The following SAFB2 variants were observed in gnomAD, a reference collection of about 807,000 sequenced individuals.
The protein encoded by SAFB2 is scaffold attachment factor B2.
A neutral mutation model predicts 100.6 loss-of-function variants in SAFB2; 32 were observed. That is an observed-to-expected ratio of 0.32 (90% CI 0.24 to 0.43). The LOEUF (loss-of-function observed/expected upper bound fraction) is 0.43, where lower values mean the gene tolerates loss of function less well. Ranked by LOEUF, SAFB2 falls within the 20% of genes least tolerant of loss-of-function variation. The probability of loss-of-function intolerance (pLI) is 1.00; values close to 1 mark genes in which losing one functional copy is unlikely to be tolerated. For synonymous variants in SAFB2, 500 were observed against 439.4 expected (o/e 1.14, Z -1.72); for missense variants, 1,185 against 1,163.4 (o/e 1.02, Z -0.27).
Position 5,590,148 on chromosome 19 carries a change from C to G in SAFB2, c.2525+130G>C, listed in dbSNP as rs576983203. ...TTTCTGAGTCAGGGGTTTCAAATGGCAGGACCCCTGGTAGCCCATCCTAAA... is the reference window on the plus strand; with the variant it reads ...TTTCTGAGTCAGGGGTTTCAAATGGGAGGACCCCTGGTAGCCCATCCTAAA... On this transcript the variant is annotated intron_variant, in intron 18 of 20. Transcript: ENST00000252542. 1.3e-4 allele frequency: 102 copies of G among 799,702 alleles called. 3 individuals are homozygous for G. In the South Asian group the frequency reaches 2.3e-3, roughly 18 times the overall value. 49.5% of individuals were successfully genotyped at this position (799,702 alleles called of 1,614,324 possible).
chr19:5,593,943 G>A lies in SAFB2; in HGVS notation c.2155C>T (p.Leu719=), dbSNP rs776791051. ...REELRRQQEQ[L]RYEQERRPGR... ...GGCCGCCGCTCCTGCTCGTAACGCA[G>A]CTGCTCCTGCTGGCGCCGCAGCTCC... is the stretch of plus-strand genomic sequence containing the variant. The change falls in exon 15 of 21, where the codon CTG becomes TTG. Residue 719 remains leucine, a synonymous_variant. Coordinates refer to ENST00000252542, the MANE Select transcript of SAFB2 (RefSeq NM_014649.3). The A allele has an allele frequency of 2.6e-6, 4 of 1,554,126 alleles. No individual in the cohort carries two copies. Among genetic ancestry groups the A allele is most frequent in the East Asian group, 2.4e-5 (1 of 42,376 alleles).
intron 11 of SAFB2, among the ~76,000 whole-genome samples, chr19:5,603,699 AGAACTCACAGGGTGGCACTGT>A (rs950632653): frequency 5.9e-5 from 9 of 151,948 alleles, no homozygotes; most frequent in South Asian, 2.1e-4. Flanking sequence ...TGCCACCGTG[AGAACTCACAGGGTGGCACTGT>A]GAACTCACAG....
intron 11 of SAFB2, 144 bp downstream of exon 11, chr19:5,604,439 C>A (rs547548991): frequency 9.7e-6 from 6 of 618,006 alleles, no homozygotes; most frequent in Non-Finnish European, 1.7e-5. Context: ...CAGCAGAACA[C>A]AAAAATCAGC....
chr19:5,610,070 C>A lies in SAFB2; in HGVS notation c.1221G>T (p.Arg407=). 2 of 1,614,128 alleles carry A rather than the reference C, an allele frequency of 1.2e-6. No homozygotes were observed. Among genetic ancestry groups the A allele is most frequent in the East Asian group, 2.2e-5 (1 of 44,880 alleles). Reference sequence around the variant, plus strand: ...AGGACAGCCCGCTGACCCACAGGTTCCGACCAGAACCGCTGCCGACCCGAC... The same window carrying A: ...AGGACAGCCCGCTGACCCACAGGTTACGACCAGAACCGCTGCCGACCCGAC... The part of the protein sequence containing the change: ...EKGRVGSGSG[R]NLWVSGLSST... Residue 407 remains arginine, a synonymous_variant, in exon 9 of 21, where the codon CGG becomes CGT. Coordinates refer to ENST00000252542, the MANE Select transcript of SAFB2 (RefSeq NM_014649.3).
At chr19:5,595,195 G>T (rs1255157808) in intron 14 of SAFB2, among the ~76,000 whole-genome samples, 166 bp downstream of exon 14, 1 of 152,080 alleles carries the variant, frequency 6.6e-6, no homozygotes, top group Non-Finnish European at 1.5e-5. Context: ...GCTCACGTGT[G>T]AACAGGTGCT....
chr19:5,618,780 G>A (rs975200836), intron 2 of SAFB2, among the ~76,000 whole-genome samples: 4 of 152,202 alleles, frequency 2.6e-5, no homozygotes, highest in African/African-American at 4.8e-5. Flanking sequence ...GCAGACAGGC[G>A]ACGCCCCAAT....
intron 9 of SAFB2, among the ~76,000 whole-genome samples, chr19:5,608,616 G>GTAGC (rs1271121157): frequency 6.6e-6 from 1 of 152,184 alleles, no homozygotes; most frequent in Non-Finnish European, 1.5e-5. Context: ...AACGGCTTCT[G>GTAGC]TAGCCAGAAA....
intron 2 of SAFB2, 53 bp from the exon 3 acceptor site, chr19:5,616,539 T>C (rs990277915): frequency 2.4e-5 from 34 of 1,444,028 alleles, no homozygotes; most frequent in Middle Eastern, 1.7e-4. Context: ...TACCTCATAA[T>C]TAGTTTATGC....
Position 5,593,557 on chromosome 19 carries a change from G to A in SAFB2, c.2207+334C>T, listed in dbSNP as rs558457868. 6 of 258,056 alleles carry A rather than the reference G, an allele frequency of 2.3e-5. No homozygotes were observed. The Admixed American group carries it at 3.2e-4, about 14-fold the overall frequency. The allele number at this position is 258,056 out of a possible 1,614,324, so 16.0% of individuals were successfully genotyped here. A position where few individuals can be genotyped will look rare whatever the true frequency, so the allele number is the denominator to read the frequency against. ...CAGCGGTGGCCAACTTGGGCCTAAC[G>A]GGCGTTCGGTTGTCTCGCAAGACAG... On this transcript the variant is annotated intron_variant, in intron 15 of 20. Coordinates refer to ENST00000252542, the MANE Select transcript of SAFB2 (RefSeq NM_014649.3).
chr19:5,592,884 T>C lies in SAFB2; in HGVS notation c.2211A>G (p.Arg737=). 1.2e-6 allele frequency: 2 copies of C among 1,613,798 alleles called. No individual in the cohort carries two copies. The highest frequency in any genetic ancestry group is 3.3e-5 in the Admixed American group (2 of 59,972). Residue 737 remains arginine (R), a synonymous_variant, in exon 16 of 21, where the codon CGA becomes CGG. Transcript: ENST00000252542. The stretch of plus-strand genomic sequence containing the variant: ...TTCCTTCTGGCCAATAGGCATCATC[T>C]CGTCTGTTGGTTTTTATTTTAAAAG... The part of the protein sequence containing the change: ...PGRRPYDLDR[R]DDAYWPEGKR...
chr19:5,591,925 G>A (rs1364886505), intron 16 of SAFB2, 132 bp from the exon 17 acceptor site: 2 of 837,080 alleles, frequency 2.4e-6, no homozygotes, highest in South Asian at 3.2e-5. Context: ...TGGGAAAAAA[G>A]GAAAAAGCTA....
chr19:5,589,512 T>C (rs2052341652), intron 18 of SAFB2, among the ~76,000 whole-genome samples: 1 of 151,802 alleles, frequency 6.6e-6, no homozygotes, highest in Non-Finnish European at 1.5e-5. Flanking sequence ...GGGCCAGGGC[T>C]GGAGACAAGA....
chr19:5,594,973 T>C (rs1303807867), intron 14 of SAFB2, among the ~76,000 whole-genome samples: 1 of 152,114 alleles, frequency 6.6e-6, no homozygotes, highest in African/African-American at 2.4e-5. Flanking sequence ...CTCAACCTCC[T>C]GAGTAGCTGG....
intron 12 of SAFB2, among the ~76,000 whole-genome samples, chr19:5,599,585 G>A (rs1326696639): frequency 1.3e-5 from 2 of 149,622 alleles, no homozygotes. Flanking sequence ...TGGGGGAGGT[G>A]GAGTTGGCTT....
At chr19:5,591,999 A>G (rs1200673170) in intron 16 of SAFB2, among the ~76,000 whole-genome samples, 1 of 152,212 alleles carries the variant, frequency 6.6e-6, no homozygotes, top group African/African-American at 2.4e-5. Flanking sequence ...AGGTAGGAAT[A>G]AAGATCTCAC....
At chr19:5,605,410 A>T (rs1455004531) in intron 9 of SAFB2, among the ~76,000 whole-genome samples, 1 of 152,088 alleles carries the variant, frequency 6.6e-6, no homozygotes, top group Non-Finnish European at 1.5e-5. Flanking sequence ...CAGCCACTAA[A>T]TACAACTGCT....
At chr19:5,609,051 C>CAAAAAA (rs60419324) in intron 9 of SAFB2, among the ~76,000 whole-genome samples, 6 of 72,668 alleles carry the variant, frequency 8.3e-5, no homozygotes, top group Non-Finnish European at 1.3e-4. Context: ...GACGCAGTCT[C>CAAAAAA]AAAAAAAAAA....
At chr19:5,594,625 G>C (rs2052497492) in intron 14 of SAFB2, among the ~76,000 whole-genome samples, 1 of 152,170 alleles carries the variant, frequency 6.6e-6, no homozygotes, top group South Asian at 2.1e-4. Flanking sequence ...AGGGAAGACA[G>C]GCCTCAGCAC....
intron 9 of SAFB2, among the ~76,000 whole-genome samples, chr19:5,606,112 A>C (rs1383855209): frequency 1.3e-5 from 2 of 152,228 alleles, no homozygotes; most frequent in African/African-American, 4.8e-5. Context: ...CCCAATAGCC[A>C]GGGTGGAAAG....
Sources: gnomAD v4.1 joint callset for allele counts (sites outside exome capture counted in the v4.1 genomes callset) on GRCh38, gnomAD v4.1.1 for gene constraint, MANE v1.5 for transcripts, NCBI Gene and HGNC (gene_info 2026-07-23, HGNC 2026-07-21) for gene names.